The following TAOK2 variants were observed in gnomAD, a reference collection of about 807,000 sequenced individuals.
TAOK2 encodes serine/threonine-protein kinase TAO2.
In TAOK2, 42 loss-of-function variants were observed where a neutral mutation model predicts 122.5. That is an observed-to-expected ratio of 0.34 (90% CI 0.27 to 0.44). TAOK2 has a LOEUF of 0.44. Among genes scored for constraint, TAOK2 ranks in the 20% least tolerant of loss-of-function variants. The probability of loss-of-function intolerance (pLI) is 1.00; values close to 1 mark genes in which losing one functional copy is unlikely to be tolerated. For missense variants in TAOK2, 1,264 were observed against 1,644.9 expected (o/e 0.77, Z 4.01); for synonymous variants, 704 against 677.6 (o/e 1.04, Z -0.61).
chr16:29,990,682 C>T, downstream of TAOK2: 1 of 1,170,098 alleles, frequency 8.5e-7, no homozygotes. Context: ...GATGTTGAGA[C>T]CGCTGCTTCT....
At position 29,985,182 on chromosome 16, in the gene TAOK2, G is replaced by A; in HGVS notation, c.1423-31G>A. The A allele has an allele frequency of 6.7e-7, 1 of 1,484,460 alleles. No individual in the cohort carries two copies. The allele number at this position is 1,484,460 out of a possible 1,614,324, so 92.0% of individuals were successfully genotyped here. A position where few individuals can be genotyped will look rare whatever the true frequency, so the allele number is the denominator to read the frequency against. Reference sequence around the variant, plus strand: ...GTTAATTAACTAGGGGCCAGGCTGAGCCCCAGCTCTCACCCTCTCTCCTTC... The same window carrying A: ...GTTAATTAACTAGGGGCCAGGCTGAACCCCAGCTCTCACCCTCTCTCCTTC... On this transcript the variant is annotated intron_variant, in intron 13 of 15. Transcript: ENST00000308893. The surrounding 1 kb of genome is among the most constrained non-coding windows in gnomAD (Gnocchi z 6.9).
rs2069622595 is a variant in TAOK2, at chr16:29,981,731, C to G, written c.726C>G (p.Ser242=). The G allele has an allele frequency of 8.7e-6, 14 of 1,614,152 alleles. 1 individual carries two copies. In the East Asian group the frequency reaches 3.1e-4, roughly 36 times the overall value. Residue 242 remains serine (S), a synonymous_variant, in exon 9 of 16, where the codon TCC becomes TCG. Coordinates refer to ENST00000308893, the MANE Select transcript of TAOK2 (RefSeq NM_016151.4). ...TATACCACATTGCACAGAACGAATC[C>G]CCCGTGCTCCAGTCAGGACACTGGT... The part of the protein sequence containing the change: ...SALYHIAQNE[S]PVLQSGHWSE...
Position 29,983,212 on chromosome 16 carries a change from G to A in TAOK2, c.1140G>A (p.Glu380=), listed in dbSNP as rs1567243640. ...SLADASDNEE[E]EEEEEEEEEE... ...CAGATGCCTCAGACAACGAGGAAGA[G>A]GAGGAGGAGGAGGAGGAAGAGGAGG... Residue 380 remains glutamate (E), a synonymous_variant, in exon 12 of 16, where the codon GAG becomes GAA. Coordinates refer to ENST00000308893, the MANE Select transcript of TAOK2 (RefSeq NM_016151.4). The A allele has an allele frequency of 1.9e-6, 3 of 1,577,104 alleles. No individual in the cohort carries two copies. The highest frequency in any genetic ancestry group is 1.7e-4 in the Middle Eastern group (1 of 5,932).
At chr16:29,978,461 T>C (rs537449008) in intron 4 of TAOK2, 108 bp downstream of exon 4, 3 of 1,252,452 alleles carry the variant, frequency 2.4e-6, no homozygotes, top group Admixed American at 3.5e-5. Context: ...TGTGGGATCT[T>C]GGGAAGGAGG....
rs369079538 is a variant in TAOK2 at position 29,979,080 on chromosome 16, G to A, written c.449+10G>A. 8.7e-6 allele frequency: 14 copies of A among 1,614,140 alleles called. No individual in the cohort carries two copies. The African/African-American group carries it at 1.6e-4, about 18-fold the overall frequency. On this transcript the variant is annotated intron_variant, in intron 6 of 15. Coordinates refer to ENST00000308893, the MANE Select transcript of TAOK2 (RefSeq NM_016151.4). This position sits in a 1 kb window ranked among gnomAD's most constrained non-coding sequence, Gnocchi z 4.1. ...ACAACATGATCCATAGGTACAAGCA[G>A]CACCGGCAGTGCCTGGGAGGGGAGT...
rs1347355481 is a variant in TAOK2, at chr16:29,977,812, G to A, written c.40G>A (p.Asp14Asn). The A allele has an allele frequency of 1.2e-6, 2 of 1,614,086 alleles. No individual in the cohort carries two copies. The highest frequency in any genetic ancestry group is 1.3e-5 in the African/African-American group (1 of 74,938). ...CCGGGCCGGGAGCCTGAAGGACCCAGATGTGGCTGAGCTCTTCTTCAAGGA... is the reference window on the plus strand; with the variant it reads ...CCGGGCCGGGAGCCTGAAGGACCCAAATGTGGCTGAGCTCTTCTTCAAGGA... Reference protein sequence around the residue: ...GGRAGSLKDPDVAELFFKDDP... With the variant: ...GGRAGSLKDPNVAELFFKDDP... The change falls in exon 2 of 16, where the codon GAT becomes AAT. Residue 14 changes from aspartate to asparagine, a missense_variant. Physicochemically the swap from Asp to Asn is conservative, Grantham distance 23. Coordinates refer to ENST00000308893, the MANE Select transcript of TAOK2 (RefSeq NM_016151.4).
At chr16:29,978,056 G>A (rs763477933) in intron 2 of TAOK2, 33 bp from the exon 3 acceptor site, 1 of 1,613,692 alleles carries the variant, frequency 6.2e-7, no homozygotes, top group South Asian at 1.1e-5. Flanking sequence ...GCTCTCAATG[G>A]GGCCTTCAAC....
In TAOK2 at chr16:29,986,176, C is replaced by T; in HGVS notation, c.1993-89C>T. The T allele has an allele frequency of 2.0e-6, 3 of 1,492,644 alleles. No homozygotes were observed. The highest frequency in any genetic ancestry group is 2.7e-6 in the Non-Finnish European group (3 of 1,119,616). 92.5% of individuals were successfully genotyped at this position (1,492,644 alleles called of 1,614,324 possible). On this transcript the variant is annotated intron_variant, in intron 15 of 15. Coordinates refer to ENST00000308893, the MANE Select transcript of TAOK2 (RefSeq NM_016151.4). This position sits in a 1 kb window ranked among gnomAD's most constrained non-coding sequence, Gnocchi z 4.2. ...GGCCCTGGGCCCTGTGTTTCTTCCG[C>T]CATCCCCAGCTCCCTCTGCCAAGGA...
chr16:29,989,652 G>A (rs201513301), downstream of TAOK2: 3 of 1,614,108 alleles, frequency 1.9e-6, no homozygotes, highest in South Asian at 1.1e-5. Flanking sequence ...AGACTCGGCA[G>A]TACAAGGCTC....
intron 8 of TAOK2, chr16:29,980,600 T>C (rs1370903116): frequency 2.0e-5 from 3 of 152,232 alleles, no homozygotes; most frequent in Non-Finnish European, 4.4e-5. Flanking sequence ...TTGGGTCCTC[T>C]GCCCGAGGTC....
chr16:29,978,787 T>C lies in TAOK2; in HGVS notation c.307-12T>C. 1 of 1,614,064 alleles carries C rather than the reference T, an allele frequency of 6.2e-7. No individual in the cohort carries two copies. The stretch of plus-strand genomic sequence containing the variant: ...AGGAGACTCTGATCTCTGACCCTTG[T>C]CTCTTCCTTAGCTGGTAATGGAGTA... On this transcript the variant is annotated splice_polypyrimidine_tract_variant and intron_variant, in intron 4 of 15. Coordinates refer to ENST00000308893, the MANE Select transcript of TAOK2 (RefSeq NM_016151.4).
Position 29,986,673 on chromosome 16 carries a change from A to C in TAOK2, c.2401A>C (p.Ile801Leu). The C allele has an allele frequency of 6.2e-7, 1 of 1,613,140 alleles. No individual in the cohort carries two copies. Among genetic ancestry groups the C allele is most frequent in the Non-Finnish European group, 8.5e-7 (1 of 1,179,672 alleles). Residue 801 changes from isoleucine (I) to leucine (L), a missense_variant, in exon 16 of 16, where the codon ATT (isoleucine) becomes CTT (leucine). Transcript: ENST00000308893. This position sits in a 1 kb window ranked among gnomAD's most constrained non-coding sequence, Gnocchi z 4.2. ...EEEEAVGERRILGKEGATLEP... is the reference protein window; with the variant it reads ...EEEEAVGERRLLGKEGATLEP... Reference sequence around the variant, plus strand: ...GGAGGAAGCAGTTGGAGAGAGAAGGATTCTGGGAAAGGAAGGGGCCACTTT... The same window carrying C: ...GGAGGAAGCAGTTGGAGAGAGAAGGCTTCTGGGAAAGGAAGGGGCCACTTT...
rs1183321738 is a variant in TAOK2, at chr16:29,987,264, G to T, written c.2992G>T (p.Gly998Cys). Residue 998 changes from glycine (G) to cysteine (C), a missense_variant, in exon 16 of 16, where the codon GGT becomes TGT. Physicochemically the swap from Gly to Cys is radical, Grantham distance 159. Coordinates refer to ENST00000308893, the MANE Select transcript of TAOK2 (RefSeq NM_016151.4). ...GCTGGCCCTTGAGGTGGGGCTGGTG[G>T]GTCTGGGGGCCTCCTACCTGCTCCT... ...ALLALEVGLV[G>C]LGASYLLLCT... 6.5e-7 allele frequency: 1 copy of T among 1,527,572 alleles called. No homozygotes were observed. Among genetic ancestry groups the T allele is most frequent in the East Asian group, 2.3e-5 (1 of 44,266 alleles). 94.6% of individuals were successfully genotyped at this position (1,527,572 alleles called of 1,614,324 possible). A position where few individuals can be genotyped will look rare whatever the true frequency, so the allele number is the denominator to read the frequency against.
At chr16:29,991,993 C>T (rs2069981255), downstream of TAOK2, 1 of 158,694 alleles carries the variant, frequency 6.3e-6, no homozygotes. This position sits in a 1 kb window ranked among gnomAD's most constrained non-coding sequence, Gnocchi z 5.6. Flanking sequence ...TGAGAGGCCA[C>T]CTTACTGGCA....
chr16:29,989,099 G>A, downstream of TAOK2: 1 of 985,328 alleles, frequency 1.0e-6, no homozygotes, highest in South Asian at 4.7e-5. Flanking sequence ...TCTGTCCTTA[G>A]TCGTGTTGCT....
chr16:29,977,217 A>G (rs1257818368), intron 1 of TAOK2, among the ~76,000 whole-genome samples: 1 of 152,048 alleles, frequency 6.6e-6, no homozygotes. Context: ...CCTCTGGGCC[A>G]GTACCCACTT....
chr16:29,988,344 C>T lies in TAOK2; in HGVS notation c.*364C>T, dbSNP rs1447826481. 4 of 1,389,434 alleles carry T rather than the reference C, an allele frequency of 2.9e-6. No individual in the cohort carries two copies. The East Asian group carries it at 1.1e-4, about 38-fold the overall frequency. The allele number at this position is 1,389,434 out of a possible 1,614,324, so 86.1% of individuals were successfully genotyped here. A position where few individuals can be genotyped will look rare whatever the true frequency, so the allele number is the denominator to read the frequency against. The stretch of plus-strand genomic sequence containing the variant: ...TCTCCCTTCCAACCTGTCCCCTTCC[C>T]CCCACCAAAAAAAGAAAAAGACAAA... On this transcript the variant is annotated 3_prime_UTR_variant, in exon 16 of 16. Coordinates refer to ENST00000308893, the MANE Select transcript of TAOK2 (RefSeq NM_016151.4).
chr16:29,984,216 C>G (rs973498214), intron 13 of TAOK2, among the ~76,000 whole-genome samples: 13 of 152,332 alleles, frequency 8.5e-5, no homozygotes, highest in African/African-American at 2.6e-4. Context: ...TCCCAGCCCC[C>G]CTGGGAGGGG....
At chr16:29,990,798 G>C (rs778624397), downstream of TAOK2, 1 of 1,610,022 alleles carries the variant, frequency 6.2e-7, no homozygotes, top group Non-Finnish European at 8.5e-7. Flanking sequence ...GGCTTGATGA[G>C]ACCCAGGAGG....
Sources: gnomAD v4.1 joint callset for allele counts (sites outside exome capture counted in the v4.1 genomes callset) on GRCh38, gnomAD v4.1.1 for gene constraint, Gnocchi (gnomAD v3.1) non-coding constraint, MANE v1.5 for transcripts, NCBI Gene and HGNC (gene_info 2026-07-23, HGNC 2026-07-21) for gene names.